Variants in PRKRIP1 observed in about 807,000 individuals in gnomAD.
The protein encoded by PRKRIP1 is PRKR interacting protein 1, also known as PRKR-interacting protein 1.
PRKRIP1 carries 29 observed loss-of-function variants against 29.3 expected under a neutral mutation model. The ratio of observed to expected loss-of-function variants is 0.99; its 90% CI spans 0.74 to 1.35. The LOEUF is 1.35. PRKRIP1 is among the 40% of genes most tolerant of loss of function. PRKRIP1 has a pLI of 0.00. For synonymous variants in PRKRIP1, 90 were observed against 85.1 expected (o/e 1.06, Z -0.32); for missense variants, 247 against 236.8 (o/e 1.04, Z -0.28).
intron 4 of PRKRIP1, among the ~76,000 whole-genome samples, chr7:102,407,127 A>C (rs1372509295): frequency 6.6e-6 from 1 of 151,874 alleles, no homozygotes; most frequent in Non-Finnish European, 1.5e-5. Flanking sequence ...AGGCAGGAGA[A>C]TGGTGTGAAC....
At chr7:102,423,196 C>G (rs1455809892) in intron 5 of PRKRIP1, 6 of 440,562 alleles carry the variant, frequency 1.4e-5, no homozygotes, top group Admixed American at 2.5e-5. Context: ...CTCACTGCAA[C>G]CTTTGCCTCC....
intron 1 of PRKRIP1, 132 bp downstream of exon 1, chr7:102,396,669 T>C (rs1795907944): frequency 2.1e-6 from 2 of 952,936 alleles, no homozygotes; most frequent in East Asian, 3.1e-5. Flanking sequence ...CCAAGAGCAG[T>C]CTTTGGGGAG....
chr7:102,424,950 TTG>T, intron 5 of PRKRIP1, 62 bp from the exon 6 acceptor site: 1 of 1,538,992 alleles, frequency 6.5e-7, no homozygotes, highest in Non-Finnish European at 8.8e-7. Context: ...GCTCTCCTCT[TTG>T]AAAGCACCCT....
chr7:102,425,383 C>A lies in PRKRIP1; in HGVS notation c.*272C>A, dbSNP rs2133209764. 3.8e-6 allele frequency: 2 copies of A among 530,222 alleles called. No homozygotes were observed. Among genetic ancestry groups the A allele is most frequent in the East Asian group, 4.0e-5 (1 of 24,866 alleles). The allele number at this position is 530,222 out of a possible 1,614,324, so 32.8% of individuals were successfully genotyped here. ...AGCCTCACCTTGCCACATATTTGAACAGTGATGAGTTTGGGGCTGGTTTCT... is the reference window on the plus strand; with the variant it reads ...AGCCTCACCTTGCCACATATTTGAAAAGTGATGAGTTTGGGGCTGGTTTCT... On this transcript the variant is annotated 3_prime_UTR_variant, in exon 6 of 6. Coordinates refer to ENST00000397912, the MANE Select transcript of PRKRIP1 (RefSeq NM_024653.4).
intron 5 of PRKRIP1, among the ~76,000 whole-genome samples, chr7:102,417,331 A>G (rs1408994839): frequency 6.6e-6 from 1 of 152,126 alleles, no homozygotes; most frequent in Non-Finnish European, 1.5e-5. Flanking sequence ...CGTTGTGTGC[A>G]GCCCACACAT....
intron 5 of PRKRIP1, among the ~76,000 whole-genome samples, chr7:102,408,441 G>A (rs1336577998): frequency 6.6e-6 from 1 of 152,160 alleles, no homozygotes; most frequent in Non-Finnish European, 1.5e-5. Flanking sequence ...GGCAGGGTTG[G>A]CTGTTAGGTC....
intron 4 of PRKRIP1, among the ~76,000 whole-genome samples, chr7:102,406,126 C>G (rs973793153): frequency 2.0e-5 from 3 of 152,196 alleles, no homozygotes; most frequent in Non-Finnish European, 4.4e-5. Context: ...TGGGCCCCTT[C>G]TGTTGATCAG....
At chr7:102,424,454 G>A (rs1554574185) in intron 5 of PRKRIP1, among the ~76,000 whole-genome samples, 1 of 152,246 alleles carries the variant, frequency 6.6e-6, no homozygotes, top group African/African-American at 2.4e-5. Flanking sequence ...TTGGGAACAC[G>A]TCCTCATGCT....
intron 5 of PRKRIP1, chr7:102,422,879 G>A (rs1176603387): frequency 3.7e-6 from 1 of 272,592 alleles, no homozygotes; most frequent in Non-Finnish European, 7.5e-6. Flanking sequence ...ACATCCCCAA[G>A]ATATCTCATT....
At chr7:102,399,481 C>G in intron 2 of PRKRIP1, 67 bp from the exon 3 acceptor site, 1 of 1,305,090 alleles carries the variant, frequency 7.7e-7, no homozygotes, top group Non-Finnish European at 1.1e-6. Context: ...TTTAGTCACC[C>G]TCGATTAAGG....
At chr7:102,409,439 A>G (rs1256656889) in intron 5 of PRKRIP1, among the ~76,000 whole-genome samples, 8 of 152,100 alleles carry the variant, frequency 5.3e-5, no homozygotes, top group African/African-American at 1.9e-4. Context: ...TATTCTCACA[A>G]TCTGTTAAGG....
At position 102,397,706 on chromosome 7, in the gene PRKRIP1, CTG is replaced by C. The variant is rs34218257; in HGVS notation, c.205+38_205+39del. On this transcript the variant is annotated intron_variant, in intron 2 of 5. Transcript: ENST00000397912. ...TTGTCCGAGATGTCATGGGTAATGG[CTG>C]TGTGTGTGTGTGTGTGTGTGTGTGT... 0.11 allele frequency: 142,515 copies of C among 1,303,986 alleles called. 2,922 individuals carry two copies. Among genetic ancestry groups the C allele is most frequent in the African/African-American group, 0.14 (9,882 of 68,194 alleles). 80.8% of individuals were successfully genotyped at this position (1,303,986 alleles called of 1,614,324 possible). A position where few individuals can be genotyped will look rare whatever the true frequency, so the allele number is the denominator to read the frequency against.
At chr7:102,406,926 A>AATAT (rs781782807) in intron 4 of PRKRIP1, among the ~76,000 whole-genome samples, 25 of 152,076 alleles carry the variant, frequency 1.6e-4, no homozygotes, top group Admixed American at 4.6e-4. Context: ...TCTATTTAAG[A>AATAT]ATATATAGGC....
In PRKRIP1 at chr7:102,425,255, G is replaced by A; in HGVS notation, c.*144G>A. 2 of 1,496,032 alleles carry A rather than the reference G, an allele frequency of 1.3e-6. No homozygotes were observed. Among genetic ancestry groups the A allele is most frequent in the Non-Finnish European group, 1.8e-6 (2 of 1,127,200 alleles). 92.7% of individuals were successfully genotyped at this position (1,496,032 alleles called of 1,614,324 possible). On this transcript the variant is annotated 3_prime_UTR_variant, in exon 6 of 6. Coordinates refer to ENST00000397912, the MANE Select transcript of PRKRIP1 (RefSeq NM_024653.4). Reference sequence around the variant, plus strand: ...GGAGACCCCTCCCGAGCCGCTCACAGTCCTGTATTTGGCAGGTTTGGGAGC... The same window carrying A: ...GGAGACCCCTCCCGAGCCGCTCACAATCCTGTATTTGGCAGGTTTGGGAGC...
chr7:102,404,411 C>G (rs1554571572), intron 3 of PRKRIP1, 187 bp from the exon 4 acceptor site: 2 of 613,988 alleles, frequency 3.3e-6, no homozygotes, highest in Non-Finnish European at 5.9e-6. Flanking sequence ...CATCGGAGAC[C>G]TATGTATTGA....
chr7:102,400,605 A>C (rs140710837), intron 3 of PRKRIP1, among the ~76,000 whole-genome samples: 93 of 152,202 alleles, frequency 6.1e-4, no homozygotes, highest in African/African-American at 2.2e-3. Flanking sequence ...TGTACACTCG[A>C]GATCTGGGCA....
intron 5 of PRKRIP1, among the ~76,000 whole-genome samples, chr7:102,423,854 A>G (rs547772676): frequency 6.6e-6 from 1 of 152,030 alleles, no homozygotes; most frequent in East Asian, 1.9e-4. Context: ...ATAGAAATGG[A>G]ACTCGCTGTG....
At chr7:102,406,043 C>T (rs1378054871) in intron 4 of PRKRIP1, among the ~76,000 whole-genome samples, 1 of 152,136 alleles carries the variant, frequency 6.6e-6, no homozygotes, top group African/African-American at 2.4e-5. Context: ...GGCAACACAT[C>T]GCAGCCCAAT....
chr7:102,397,441 G>A (rs1265158003), intron 1 of PRKRIP1, among the ~76,000 whole-genome samples, 179 bp from the exon 2 acceptor site: 3 of 152,062 alleles, frequency 2.0e-5, no homozygotes, highest in Non-Finnish European at 2.9e-5. Context: ...AACTATTCTG[G>A]AGACTGAACC....
Sources: gnomAD v4.1 joint callset for allele counts (sites outside exome capture counted in the v4.1 genomes callset) on GRCh38, gnomAD v4.1.1 for gene constraint, MANE v1.5 for transcripts, NCBI Gene and HGNC (gene_info 2026-07-23, HGNC 2026-07-21) for gene names.